ZBTB20: variants seen among roughly 807,000 people sequenced by gnomAD.
ZBTB20 encodes the protein zinc finger and BTB domain-containing protein 20.
ZBTB20 carries 9 observed loss-of-function variants against 56.9 expected under a neutral mutation model. The observed-to-expected ratio is 0.16, with a 90% CI of 0.10 to 0.28. ZBTB20 has a LOEUF of 0.28. Among genes scored for constraint, ZBTB20 ranks in the 10% least tolerant of loss-of-function variants. ZBTB20 has a pLI of 1.00. For missense variants in ZBTB20, 655 were observed against 1,003.0 expected (o/e 0.65, Z 4.69); for synonymous variants, 417 against 420.7 (o/e 0.99, Z 0.11).
chr3:115,043,901 A>G (rs1219285329), intron 2 of ZBTB20, among the ~76,000 whole-genome samples: 1 of 152,136 alleles, frequency 6.6e-6, no homozygotes, highest in Non-Finnish European at 1.5e-5. Context: ...TTGATACCTA[A>G]TGAATGGCTT....
chr3:115,056,608 T>C (rs1237902435), intron 2 of ZBTB20, among the ~76,000 whole-genome samples: 2 of 152,140 alleles, frequency 1.3e-5, no homozygotes, highest in Non-Finnish European at 2.9e-5. Flanking sequence ...TTAAAAAGTG[T>C]CTTCTCTTCA....
rs1235895501 is a variant in ZBTB20 at position 114,326,969 on chromosome 3, G to C, written c.*12036C>G. 1 of 152,240 alleles carries C rather than the reference G, an allele frequency of 6.6e-6. No homozygotes were observed. Among genetic ancestry groups the C allele is most frequent in the Admixed American group, 6.5e-5 (1 of 15,300 alleles). The allele number at this position is 152,240 out of a possible 1,614,324, so 9.4% of individuals were successfully genotyped here. ...ATTGTATGTGTGTGTGTTGCAGAGG[G>C]AGAGGGGAGCAAAGCAAGCTTTTCC... On this transcript the variant is annotated 3_prime_UTR_variant, in exon 12 of 12. Coordinates refer to ENST00000675478, the MANE Select transcript of ZBTB20 (RefSeq NM_001348800.3).
At position 114,781,841 on chromosome 3, in the gene ZBTB20, T is replaced by A. The variant is rs916467336; in HGVS notation, c.-343+19260A>T. Among the ~76,000 whole-genome samples the A allele has an allele frequency of 2.0e-5, 3 of 152,196 alleles. No individual in the cohort carries two copies. In the East Asian group the frequency reaches 5.8e-4, roughly 29 times the overall value. Reference sequence around the variant, plus strand: ...TTTATAAGGGGTTTCCCCTTTCGCTTGGCTCTTTCCTTCTCTCTTCCCTGC... The same window carrying A: ...TTTATAAGGGGTTTCCCCTTTCGCTAGGCTCTTTCCTTCTCTCTTCCCTGC... On this transcript the variant is annotated intron_variant, in intron 5 of 11. Coordinates refer to ENST00000675478, the MANE Select transcript of ZBTB20 (RefSeq NM_001348800.3).
In ZBTB20 at chr3:114,770,827, T is replaced by TA. The variant is rs1287451729; in HGVS notation, c.-343+30273dup. ...TTTAGGCTTTTTTCGGATTTTGGAA[T>TA]ATTTGCATTATATACTTACCAGTTG... On this transcript the variant is annotated intron_variant, in intron 5 of 11. Coordinates refer to ENST00000675478, the MANE Select transcript of ZBTB20 (RefSeq NM_001348800.3). Among the ~76,000 whole-genome samples, 3 of 152,226 alleles carry TA rather than the reference T, an allele frequency of 2.0e-5. No individual in the cohort carries two copies. In the East Asian group the frequency reaches 5.8e-4, roughly 29 times the overall value.
chr3:114,523,629 T>C (rs1490418631), intron 6 of ZBTB20, among the ~76,000 whole-genome samples: 1 of 152,086 alleles, frequency 6.6e-6, no homozygotes, highest in East Asian at 1.9e-4. Flanking sequence ...GAGCCAAGGG[T>C]ACACAGAGTT....
At chr3:114,764,846 G>A (rs2068678094) in intron 5 of ZBTB20, among the ~76,000 whole-genome samples, 1 of 152,134 alleles carries the variant, frequency 6.6e-6, no homozygotes, top group Admixed American at 6.5e-5. Flanking sequence ...AGGGAAAATA[G>A]AGCCCTTGGG....
chr3:115,070,678 C>T (rs1198182569), intron 2 of ZBTB20, among the ~76,000 whole-genome samples: 1 of 151,990 alleles, frequency 6.6e-6, no homozygotes, highest in Non-Finnish European at 1.5e-5. Flanking sequence ...TCCTTCTTAT[C>T]TTTCTTTAAT....
At chr3:114,852,714 C>CTAT (rs1393340710) in intron 4 of ZBTB20, among the ~76,000 whole-genome samples, 2 of 152,152 alleles carry the variant, frequency 1.3e-5, no homozygotes, top group African/African-American at 4.8e-5. Context: ...AAGCTATTAG[C>CTAT]TTTGCTTAGC....
At chr3:114,444,709 C>T (rs2091157435) in intron 7 of ZBTB20, among the ~76,000 whole-genome samples, 1 of 152,068 alleles carries the variant, frequency 6.6e-6, no homozygotes, top group Admixed American at 6.6e-5. Flanking sequence ...ATCTGTTGGA[C>T]AACCCCCTCA....
At chr3:114,591,357 T>C (rs2055742602) in intron 6 of ZBTB20, among the ~76,000 whole-genome samples, 1 of 152,220 alleles carries the variant, frequency 6.6e-6, no homozygotes, top group African/African-American at 2.4e-5. Context: ...CTTGATAAAC[T>C]TTCTATAATC....
chr3:114,844,756 A>T (rs1348551561), intron 4 of ZBTB20, among the ~76,000 whole-genome samples: 1 of 151,186 alleles, frequency 6.6e-6, no homozygotes, highest in Non-Finnish European at 1.5e-5. Context: ...AGTCATTCTA[A>T]AGGATGTGTA....
At chr3:114,699,481 GA>G (rs1170724337) in intron 5 of ZBTB20, among the ~76,000 whole-genome samples, 1 of 151,804 alleles carries the variant, frequency 6.6e-6, no homozygotes. Context: ...TAGAAAGTCA[GA>G]AATGCCATCT....
At chr3:114,730,013 G>C (rs1466639613) in intron 5 of ZBTB20, among the ~76,000 whole-genome samples, 2 of 126,372 alleles carry the variant, frequency 1.6e-5, no homozygotes, top group Non-Finnish European at 1.6e-5. Context: ...GCCCAAGCTT[G>C]TCTCAAACTC....
At chr3:114,895,230 G>A (rs571355269) in intron 4 of ZBTB20, among the ~76,000 whole-genome samples, 7 of 152,202 alleles carry the variant, frequency 4.6e-5, no homozygotes, top group South Asian at 2.1e-4. Context: ...CTTACACAGC[G>A]ATTTATGCAC....
At chr3:114,441,467 C>G (rs1451136860) in intron 7 of ZBTB20, among the ~76,000 whole-genome samples, 2 of 152,128 alleles carry the variant, frequency 1.3e-5, no homozygotes. Context: ...ACTGCACTAT[C>G]AAAACCTTCA....
intron 2 of ZBTB20, among the ~76,000 whole-genome samples, chr3:115,011,967 T>C (rs753555589): frequency 6.6e-6 from 1 of 151,892 alleles, no homozygotes; most frequent in African/African-American, 2.4e-5. Context: ...TGTTTGTTCA[T>C]GCAAACAGTG....
rs139138573 is a variant in ZBTB20, at chr3:114,360,646, C to T, written c.200-8768G>A. Among the ~76,000 whole-genome samples, 598 of 152,094 alleles carry T rather than the reference C, an allele frequency of 3.9e-3. 2 individuals are homozygous for T. Among genetic ancestry groups the T allele is most frequent in the African/African-American group, 0.014 (565 of 41,486 alleles). ...GATTACAGGCGTGAGCCACTGTGCCCGGCCAATTTCTCTATGGACTTGAGC... is the reference window on the plus strand; with the variant it reads ...GATTACAGGCGTGAGCCACTGTGCCTGGCCAATTTCTCTATGGACTTGAGC... On this transcript the variant is annotated intron_variant, in intron 10 of 11. Coordinates refer to ENST00000675478, the MANE Select transcript of ZBTB20 (RefSeq NM_001348800.3).
At chr3:114,371,242 G>A (rs2082970475) in intron 10 of ZBTB20, among the ~76,000 whole-genome samples, 2 of 152,192 alleles carry the variant, frequency 1.3e-5, no homozygotes, top group African/African-American at 4.8e-5. Flanking sequence ...AGATATTACT[G>A]TTAACTGGAT....
At chr3:115,146,153 G>C (rs1008896097) in intron 1 of ZBTB20, among the ~76,000 whole-genome samples, 1 of 152,202 alleles carries the variant, frequency 6.6e-6, no homozygotes, top group Non-Finnish European at 1.5e-5. Context: ...TCATTGGAGA[G>C]CTGTCATCCT....
Sources: allele counts gnomAD v4.1 joint callset (sites outside exome capture counted in the v4.1 genomes callset), GRCh38; gene constraint gnomAD v4.1.1; transcripts MANE v1.5; gene names NCBI Gene and HGNC (gene_info 2026-07-23, HGNC 2026-07-21).